Variants in ASIC2 observed in about 807,000 individuals in gnomAD.
The protein encoded by ASIC2 is acid-sensing ion channel 2.
Under a neutral mutation model 57.3 loss-of-function variants are expected in ASIC2, and 25 were observed. The observed-to-expected ratio is 0.44, with a 90% CI of 0.32 to 0.61. The LOEUF (loss-of-function observed/expected upper bound fraction) is 0.61. ASIC2 is among the 20% of genes least tolerant of loss of function. ASIC2 has a pLI of 0.06. For missense variants in ASIC2, 641 were observed against 738.1 expected, an observed-to-expected ratio of 0.87 and a Z score of 1.52; for synonymous variants, 319 against 307.5, an observed-to-expected ratio of 1.04 and a Z score of -0.39.
intron 2 of ASIC2, among the ~76,000 whole-genome samples, chr17:33,109,674 T>C (rs1425964952): frequency 6.6e-6 from 1 of 152,160 alleles, no homozygotes; most frequent in Non-Finnish European, 1.5e-5. Flanking sequence ...TGCGCAGTGT[T>C]AGCATGTGAC....
At chr17:33,547,022 G>A (rs1377874358) in intron 1 of ASIC2, among the ~76,000 whole-genome samples, 2 of 152,114 alleles carry the variant, frequency 1.3e-5, no homozygotes, top group African/African-American at 2.4e-5. Flanking sequence ...CAAACTTGAG[G>A]GTGCATCAGA....
At chr17:33,355,872 G>A (rs1259228705) in intron 1 of ASIC2, among the ~76,000 whole-genome samples, 3 of 152,160 alleles carry the variant, frequency 2.0e-5, no homozygotes, top group East Asian at 1.9e-4. Context: ...AGCTTAAAGT[G>A]TAAGGGGAAT....
At chr17:33,200,367 A>C (rs1175666178) in intron 1 of ASIC2, among the ~76,000 whole-genome samples, 1 of 152,148 alleles carries the variant, frequency 6.6e-6, no homozygotes, top group Non-Finnish European at 1.5e-5. Flanking sequence ...CTGAGGACTC[A>C]CGAATAAATC....
chr17:33,701,570 C>T (rs1908702697), intron 1 of ASIC2, among the ~76,000 whole-genome samples: 1 of 152,228 alleles, frequency 6.6e-6, no homozygotes, highest in African/African-American at 2.4e-5. Context: ...GGGTGTTGGT[C>T]CCAGGGTCTG....
intron 1 of ASIC2, among the ~76,000 whole-genome samples, chr17:33,453,463 G>T (rs1394382): frequency 0.24 from 35,925 of 151,984 alleles, 4,326 homozygotes; most frequent in Non-Finnish European, 0.25. Flanking sequence ...AGGCAGGGAG[G>T]CCATGAAGGG....
chr17:33,372,767 A>T (rs959710083), intron 1 of ASIC2, among the ~76,000 whole-genome samples: 2 of 152,154 alleles, frequency 1.3e-5, no homozygotes, highest in Admixed American at 6.5e-5. Context: ...GTGGTGAAAC[A>T]GCTGTGATGG....
At chr17:33,401,570 C>A (rs1182995376) in intron 1 of ASIC2, among the ~76,000 whole-genome samples, 2 of 152,206 alleles carry the variant, frequency 1.3e-5, no homozygotes, top group Non-Finnish European at 2.9e-5. Flanking sequence ...GCAAGTTTCT[C>A]TTGCCCCTAA....
intron 1 of ASIC2, among the ~76,000 whole-genome samples, chr17:33,236,270 T>C (rs558013652): frequency 3.2e-4 from 49 of 152,202 alleles, no homozygotes; most frequent in Non-Finnish European, 6.2e-4. Flanking sequence ...GTGAGTTCAA[T>C]GGTGTCTCTT....
intron 1 of ASIC2, among the ~76,000 whole-genome samples, chr17:33,782,325 T>G (rs1335406689): frequency 1.3e-5 from 2 of 152,134 alleles, no homozygotes; most frequent in African/African-American, 4.8e-5. Context: ...TTTGAATTAG[T>G]TTTTGTAAAG....
chr17:33,075,638 C>A lies in ASIC2; in HGVS notation c.987+13225G>T, dbSNP rs77926124. 1.4e-4 allele frequency among the ~76,000 whole-genome samples: 21 copies of A among 152,288 alleles called. No homozygotes were observed. In the East Asian group the frequency reaches 4.1e-3, roughly 29 times the overall value. On this transcript the variant is annotated intron_variant, in intron 3 of 9. Coordinates refer to ENST00000225823, the MANE Select transcript of ASIC2 (RefSeq NM_183377.2). ...AAATCCCCTCCCCTGCTGGTCTGCT[C>A]CTTCTGCTGGTTCCCACCAGGCCTT...
intron 1 of ASIC2, among the ~76,000 whole-genome samples, chr17:33,908,286 C>T (rs943934540): frequency 6.6e-5 from 10 of 152,208 alleles, no homozygotes; most frequent in African/African-American, 2.4e-4. Flanking sequence ...GTTTCTTTTT[C>T]TTCAGTATTT....
chr17:33,566,404 C>T (rs1916234799), intron 1 of ASIC2, among the ~76,000 whole-genome samples: 1 of 152,196 alleles, frequency 6.6e-6, no homozygotes, highest in African/African-American at 2.4e-5. Flanking sequence ...CAGGCAGGAA[C>T]ACCCAGCTCC....
chr17:33,711,340 T>C (rs1173789066), intron 1 of ASIC2, among the ~76,000 whole-genome samples: 3 of 152,174 alleles, frequency 2.0e-5, no homozygotes, highest in African/African-American at 7.2e-5. Flanking sequence ...TACGTGAGCT[T>C]CTCCTGAACT....
intron 1 of ASIC2, among the ~76,000 whole-genome samples, chr17:33,190,626 C>G (rs1206099689): frequency 6.6e-6 from 1 of 152,082 alleles, no homozygotes; most frequent in African/African-American, 2.4e-5. Context: ...GTCTAAGAAA[C>G]TTAGTGTAAA....
chr17:33,162,080 C>G (rs7212519), intron 1 of ASIC2, among the ~76,000 whole-genome samples: 1 of 151,886 alleles, frequency 6.6e-6, no homozygotes, highest in African/African-American at 2.4e-5. Flanking sequence ...GACCACCTGA[C>G]GTGACTCTTT....
intron 1 of ASIC2, among the ~76,000 whole-genome samples, chr17:33,807,872 C>T (rs1912312469): frequency 6.6e-6 from 1 of 152,084 alleles, no homozygotes; most frequent in African/African-American, 2.4e-5. Flanking sequence ...AGTCTTTGGC[C>T]CTTTTAAAAA....
intron 1 of ASIC2, among the ~76,000 whole-genome samples, chr17:33,785,804 T>C (rs1911584116): frequency 6.6e-6 from 1 of 152,208 alleles, no homozygotes; most frequent in African/African-American, 2.4e-5. Context: ...GAGAGAATGA[T>C]GACTCCAACA....
At chr17:33,836,116 C>CTTTTTTTT (rs747425378) in intron 1 of ASIC2, among the ~76,000 whole-genome samples, 1 of 116,378 alleles carries the variant, frequency 8.6e-6, no homozygotes, top group East Asian at 3.3e-4. Flanking sequence ...CCTCATACAG[C>CTTTTTTTT]TTTTTTTTTT....
intron 1 of ASIC2, among the ~76,000 whole-genome samples, chr17:33,982,655 T>C (rs1199602294): frequency 1.3e-5 from 2 of 152,228 alleles, no homozygotes; most frequent in Admixed American, 1.3e-4. Context: ...TCCTATCATG[T>C]TGACCTGGTA....
Sources: allele counts gnomAD v4.1 joint callset (sites outside exome capture counted in the v4.1 genomes callset), GRCh38; gene constraint gnomAD v4.1.1; transcripts MANE v1.5; gene names NCBI Gene and HGNC (gene_info 2026-07-23, HGNC 2026-07-21).